SYTL3: variants seen among roughly 807,000 people sequenced by gnomAD.
SYTL3 encodes the protein synaptotagmin like 3.
Under a neutral mutation model 82.1 loss-of-function variants are expected in SYTL3, and 88 were observed. The observed-to-expected ratio is 1.07, with a 90% CI of 0.90 to 1.28. The LOEUF (loss-of-function observed/expected upper bound fraction) is 1.28, where lower values mean the gene tolerates loss of function less well. Ranked by LOEUF, SYTL3 falls within the 50% of genes most tolerant of loss-of-function variation. The pLI, the probability that SYTL3 is intolerant of heterozygous loss-of-function variation, is 0.00. For missense variants in SYTL3, 831 were observed against 757.6 expected (o/e 1.10, Z -1.14); for synonymous variants, 311 against 289.4 (o/e 1.07, Z -0.76).
chr6:158,699,964 AAAAT>A (rs1405173845), intron 6 of SYTL3, among the ~76,000 whole-genome samples: 1 of 149,266 alleles, frequency 6.7e-6, no homozygotes, highest in African/African-American at 2.5e-5. Flanking sequence ...AGAATAATAA[AAAAT>A]AAATAGGCTG....
intron 6 of SYTL3, among the ~76,000 whole-genome samples, chr6:158,693,850 C>CTTTTTTTTTTTTTTTTTTTTTTTTTT (rs1357595960): frequency 1.7e-5 from 1 of 58,438 alleles, no homozygotes; most frequent in Admixed American, 1.6e-4. Flanking sequence ...CTTTCTTTTT[C>CTTTTTTTTTTTTTTTTTTTTTTTTTT]TTTTCTTTTT....
chr6:158,647,749 G>A (rs1787571704), upstream of SYTL3, among the ~76,000 whole-genome samples: 1 of 152,250 alleles, frequency 6.6e-6, no homozygotes, highest in South Asian at 2.1e-4. Context: ...TGAATCTTTG[G>A]CATTCTGCCA....
intron 11 of SYTL3, among the ~76,000 whole-genome samples, chr6:158,740,738 A>C (rs1271255577): frequency 6.6e-6 from 1 of 152,206 alleles, no homozygotes; most frequent in South Asian, 2.1e-4. Flanking sequence ...GAGATTCAAA[A>C]ATATTAGGTT....
intron 8 of SYTL3, among the ~76,000 whole-genome samples, chr6:158,712,051 A>G (rs1258430409): frequency 6.6e-6 from 1 of 152,126 alleles, no homozygotes; most frequent in Non-Finnish European, 1.5e-5. Context: ...TTCAAGATGG[A>G]GTTGCTGTGG....
intron 13 of SYTL3, among the ~76,000 whole-genome samples, chr6:158,754,895 G>A (rs548040835): frequency 4.6e-5 from 7 of 152,360 alleles, no homozygotes; most frequent in East Asian, 1.9e-4. Context: ...GCTAAGTGGC[G>A]TGGCGTTCTA....
In SYTL3 at chr6:158,719,976, C is replaced by T. The variant is rs866164672; in HGVS notation, c.720+1765C>T. Among the ~76,000 whole-genome samples, 164 of 152,268 alleles carry T rather than the reference C, an allele frequency of 1.1e-3. 1 individual carries two copies. Among genetic ancestry groups the T allele is most frequent in the African/African-American group, 3.7e-3 (153 of 41,544 alleles). On this transcript the variant is annotated intron_variant, in intron 10 of 17. Transcript: ENST00000611299. ...TGGTGTCACATGTCTATAATCCCAG[C>T]TACTAGGGAGACTGAGGTGGGAGGA...
chr6:158,645,565 C>G (rs1467366365), upstream of SYTL3, among the ~76,000 whole-genome samples: 2 of 152,146 alleles, frequency 1.3e-5, no homozygotes, highest in African/African-American at 2.4e-5. Flanking sequence ...TGCAAGGGTC[C>G]CAGGGATTTG....
At chr6:158,728,340 AAAAAAAAAAG>A (rs1042574641) in intron 11 of SYTL3, among the ~76,000 whole-genome samples, 1 of 67,096 alleles carries the variant, frequency 1.5e-5, no homozygotes, top group African/African-American at 7.5e-5. Context: ...CCACTTGTTA[AAAAAAAAAAG>A]AAAAAAAAAG....
chr6:158,682,961 G>A lies in SYTL3; in HGVS notation c.366G>A (p.Glu122=). The A allele has an allele frequency of 6.2e-7, 1 of 1,613,382 alleles. No individual in the cohort carries two copies. Among genetic ancestry groups the A allele is most frequent in the Non-Finnish European group, 8.5e-7 (1 of 1,179,450 alleles). Residue 122 remains glutamate, a synonymous_variant, in exon 6 of 18, where the codon GAG becomes GAA. Coordinates refer to ENST00000611299, the MANE Select transcript of SYTL3 (RefSeq NM_001242394.2). ...TAAAAACTGGAGAATGGTTCTATGAGGAACGAGCCAAGAAATTTCCAACTG... is the reference window on the plus strand; with the variant it reads ...TAAAAACTGGAGAATGGTTCTATGAAGAACGAGCCAAGAAATTTCCAACTG... ...VKIKTGEWFY[E]ERAKKFPTGG... is the part of the protein sequence containing the mutation.
intron 11 of SYTL3, among the ~76,000 whole-genome samples, chr6:158,740,446 T>C (rs1786790302): frequency 1.3e-5 from 2 of 152,208 alleles, no homozygotes; most frequent in African/African-American, 4.8e-5. Context: ...TATTTTAAAG[T>C]TTATATCTTT....
intron 2 of SYTL3, among the ~76,000 whole-genome samples, chr6:158,656,299 C>T (rs779405095): frequency 6.6e-6 from 1 of 152,156 alleles, no homozygotes. Flanking sequence ...CTTCCTCTTC[C>T]TCGTGGTCCA....
chr6:158,762,149 A>G lies in SYTL3; in HGVS notation c.1488A>G (p.Pro496=). 6.2e-7 allele frequency: 1 copy of G among 1,613,918 alleles called. No individual in the cohort carries two copies. The highest frequency in any genetic ancestry group is 1.1e-5 in the South Asian group (1 of 91,066). Residue 496 remains proline, a synonymous_variant, in exon 16 of 18, where the codon CCA becomes CCG. Coordinates refer to ENST00000611299, the MANE Select transcript of SYTL3 (RefSeq NM_001242394.2). The part of the protein sequence containing the change: ...VLGAKNLPVR[P]DGTLNSFVKG... ...GAGCCAAGAATTTACCTGTGCGGCC[A>G]GATGGCACCTTGAACTCATTTGTTA...
intron 5 of SYTL3, among the ~76,000 whole-genome samples, chr6:158,673,792 T>G (rs534909921): frequency 6.7e-6 from 1 of 150,256 alleles, no homozygotes; most frequent in African/African-American, 2.4e-5. Flanking sequence ...ATTAATAATC[T>G]TCTTCCTCGG....
chr6:158,709,698 C>G (rs1006610277), intron 8 of SYTL3, among the ~76,000 whole-genome samples: 6 of 152,020 alleles, frequency 3.9e-5, no homozygotes, highest in Admixed American at 3.9e-4. Context: ...AAGACATAGT[C>G]CTGAGTGCTA....
At chr6:158,677,905 T>C (rs1778244374) in intron 5 of SYTL3, among the ~76,000 whole-genome samples, 1 of 152,102 alleles carries the variant, frequency 6.6e-6, no homozygotes, top group South Asian at 2.1e-4. Context: ...TTTAATTTTA[T>C]TTGAGAGACG....
intron 6 of SYTL3, among the ~76,000 whole-genome samples, chr6:158,692,257 C>CAAAAAAAAAAA (rs571381475): frequency 6.2e-5 from 2 of 32,196 alleles, no homozygotes; most frequent in African/African-American, 1.8e-4. Flanking sequence ...GACTCCGTCT[C>CAAAAAAAAAAA]AAAAAAAAAA....
chr6:158,670,864 A>G (rs916021616), intron 5 of SYTL3, among the ~76,000 whole-genome samples: 7 of 151,060 alleles, frequency 4.6e-5, no homozygotes, highest in African/African-American at 1.5e-4. Flanking sequence ...GTGCAGTGGC[A>G]TGATCTCGGC....
At chr6:158,763,880 G>C (rs760268237) in intron 17 of SYTL3, among the ~76,000 whole-genome samples, 20 of 152,226 alleles carry the variant, frequency 1.3e-4, no homozygotes, top group Non-Finnish European at 2.2e-4. Flanking sequence ...CAGAACAGCA[G>C]TGCTGTCCAG....
At chr6:158,740,316 A>G (rs906960499) in intron 11 of SYTL3, among the ~76,000 whole-genome samples, 7 of 152,030 alleles carry the variant, frequency 4.6e-5, no homozygotes, top group Admixed American at 3.3e-4. Context: ...TTTCTATTTG[A>G]TTAATTATTA....
Sources: allele counts gnomAD v4.1 joint callset (sites outside exome capture counted in the v4.1 genomes callset), GRCh38; gene constraint gnomAD v4.1.1; transcripts MANE v1.5; gene names NCBI Gene and HGNC (gene_info 2026-07-23, HGNC 2026-07-21).